Variants in AUTS2 observed in about 807,000 individuals in gnomAD.
AUTS2 encodes the protein autism susceptibility gene 2 protein.
A neutral mutation model predicts 112.4 loss-of-function variants in AUTS2; 17 were observed. The ratio of observed to expected loss-of-function variants is 0.15; its 90% confidence interval spans 0.10 to 0.23. AUTS2 has a LOEUF of 0.23. AUTS2 is among the 10% of genes least tolerant of loss of function. The probability of loss-of-function intolerance (pLI) is 1.00; values close to 1 mark genes in which losing one functional copy is unlikely to be tolerated. For missense variants in AUTS2, 1,510 were observed against 1,701.6 expected (o/e 0.89, Z 1.98); for synonymous variants, 751 against 702.7 (o/e 1.07, Z -1.09).
chr7:70,409,898 A>G (rs892555534), intron 4 of AUTS2, among the ~76,000 whole-genome samples: 15 of 152,150 alleles, frequency 9.9e-5, no homozygotes, highest in African/African-American at 3.1e-4. Context: ...CAACTGGGAA[A>G]TCAAACTCTG....
chr7:70,698,929 G>C (rs1809291693), intron 6 of AUTS2: 4 of 233,898 alleles, frequency 1.7e-5, no homozygotes, highest in Non-Finnish European at 3.3e-5. Flanking sequence ...GAACTTTATT[G>C]TTACTTATCA....
intron 1 of AUTS2, among the ~76,000 whole-genome samples, chr7:69,697,150 G>A (rs1304171128): frequency 1.3e-5 from 2 of 152,194 alleles, no homozygotes; most frequent in African/African-American, 2.4e-5. Flanking sequence ...CCTGGGTGGG[G>A]CCTTAAAATT....
chr7:69,602,736 A>C (rs1235944728), intron 1 of AUTS2, among the ~76,000 whole-genome samples: 1 of 152,220 alleles, frequency 6.6e-6, no homozygotes, highest in East Asian at 1.9e-4. Context: ...AAGAGGCCCA[A>C]CTTTTGTAGG....
chr7:70,457,627 T>A (rs565729257), intron 5 of AUTS2, among the ~76,000 whole-genome samples: 7 of 152,250 alleles, frequency 4.6e-5, no homozygotes, highest in Non-Finnish European at 7.4e-5. Flanking sequence ...TTCTGCCTTG[T>A]GGATGGACTG....
intron 4 of AUTS2, among the ~76,000 whole-genome samples, chr7:70,320,479 C>T (rs1322672697): frequency 6.6e-6 from 1 of 152,202 alleles, no homozygotes; most frequent in Non-Finnish European, 1.5e-5. Flanking sequence ...TTATGGAGAT[C>T]ACTAAGCAGG....
intron 1 of AUTS2, among the ~76,000 whole-genome samples, chr7:69,747,784 GGTGTGTGTGTGTGT>G (rs10695531): frequency 2.6e-4 from 37 of 144,502 alleles, no homozygotes; most frequent in African/African-American, 8.8e-4. Flanking sequence ...GAAGGAGAGG[GGTGTGTGTGTGTGT>G]GTGTGTGTGT....
At chr7:70,064,021 G>A (rs944337817) in intron 2 of AUTS2, among the ~76,000 whole-genome samples, 6 of 152,188 alleles carry the variant, frequency 3.9e-5, no homozygotes, top group Admixed American at 6.5e-5. Flanking sequence ...ACTAGAAGGC[G>A]TCATTCTATT....
At chr7:70,777,002 A>C (rs1790746177) in intron 13 of AUTS2, 101 bp from the exon 14 acceptor site, 10 of 1,140,516 alleles carry the variant, frequency 8.8e-6, no homozygotes, top group Non-Finnish European at 9.2e-6. Flanking sequence ...TTTCACGAAA[A>C]AAGCCTCTGC....
In AUTS2 at chr7:70,548,302, A is replaced by G. The variant is rs530847430; in HGVS notation, c.690+112521A>G. ...ATAGACTTGTAAGAATTCTGTATAT[A>G]TTCTGTATATAAGTCCATTATCCTG... On this transcript the variant is annotated intron_variant, in intron 5 of 18. Transcript: ENST00000342771. Among the ~76,000 whole-genome samples the G allele has an allele frequency of 3.3e-5, 5 of 152,320 alleles. No individual in the cohort carries two copies. The South Asian group carries it at 6.2e-4, about 19-fold the overall frequency.
At chr7:69,658,634 TG>T (rs1795652605) in intron 1 of AUTS2, among the ~76,000 whole-genome samples, 2 of 152,198 alleles carry the variant, frequency 1.3e-5, no homozygotes, top group Non-Finnish European at 2.9e-5. Flanking sequence ...TGACTCTTCA[TG>T]TCTTCATCTC....
Position 70,546,448 on chromosome 7 carries a change from C to G in AUTS2, c.690+110667C>G, listed in dbSNP as rs118028609. Reference sequence around the variant, plus strand: ...AACAGAGTGAGACTCTGTCTCAAAACAAATCAAAAAATTTAATATAATATG... The same window carrying G: ...AACAGAGTGAGACTCTGTCTCAAAAGAAATCAAAAAATTTAATATAATATG... On this transcript the variant is annotated intron_variant, in intron 5 of 18. Transcript: ENST00000342771. Among the ~76,000 whole-genome samples the G allele has an allele frequency of 2.8e-3, 410 of 146,646 alleles. 18 individuals are homozygous for G. In the East Asian group the frequency reaches 0.078, roughly 28 times the overall value.
chr7:69,867,210 T>C (rs1391692368), intron 1 of AUTS2, among the ~76,000 whole-genome samples: 2 of 152,184 alleles, frequency 1.3e-5, no homozygotes, highest in African/African-American at 4.8e-5. Flanking sequence ...TTCTGACTCC[T>C]TGAGTTGATG....
chr7:69,839,052 G>A (rs1791851475), intron 1 of AUTS2, among the ~76,000 whole-genome samples: 1 of 152,112 alleles, frequency 6.6e-6, no homozygotes, highest in Non-Finnish European at 1.5e-5. Context: ...TTTTGTAGCT[G>A]CATTATTGTA....
At chr7:69,773,921 C>T (rs766716176) in intron 1 of AUTS2, among the ~76,000 whole-genome samples, 2 of 152,230 alleles carry the variant, frequency 1.3e-5, no homozygotes, top group African/African-American at 4.8e-5. Flanking sequence ...TAAACCAGTG[C>T]CAGTCAGTGC....
At chr7:70,621,194 G>C (rs990735912) in intron 5 of AUTS2, among the ~76,000 whole-genome samples, 1 of 152,240 alleles carries the variant, frequency 6.6e-6, no homozygotes, top group East Asian at 1.9e-4. Flanking sequence ...CTGCCCCACA[G>C]TGTGGCTTCT....
intron 6 of AUTS2, among the ~76,000 whole-genome samples, chr7:70,724,810 G>A (rs773623653): frequency 1.4e-4 from 22 of 152,188 alleles, no homozygotes; most frequent in Non-Finnish European, 2.9e-4. Context: ...TAGATTAGTA[G>A]TACTTAATCT....
At chr7:70,040,150 A>G (rs970553249) in intron 2 of AUTS2, among the ~76,000 whole-genome samples, 2 of 152,194 alleles carry the variant, frequency 1.3e-5, no homozygotes, top group African/African-American at 4.8e-5. Context: ...AATTTTACGT[A>G]CGACCAAACC....
chr7:69,654,413 T>C (rs1286407198), intron 1 of AUTS2, among the ~76,000 whole-genome samples: 1 of 152,198 alleles, frequency 6.6e-6, no homozygotes, highest in East Asian at 1.9e-4. Flanking sequence ...TAATAATGCC[T>C]AAACCTTATT....
At chr7:70,016,469 T>C (rs1800033412) in intron 2 of AUTS2, among the ~76,000 whole-genome samples, 1 of 152,022 alleles carries the variant, frequency 6.6e-6, no homozygotes, top group Non-Finnish European at 1.5e-5. Context: ...AAACCCACTT[T>C]GGCTGCCTCT....
Sources: gnomAD v4.1 joint callset for allele counts (sites outside exome capture counted in the v4.1 genomes callset) on GRCh38, gnomAD v4.1.1 for gene constraint, MANE v1.5 for transcripts, NCBI Gene and HGNC (gene_info 2026-07-23, HGNC 2026-07-21) for gene names.